Variants in LRCH3 observed in about 807,000 individuals in gnomAD.
LRCH3 encodes the protein leucine rich repeats and calponin homology domain containing 3, also known as DISP complex protein LRCH3.
LRCH3 carries 68 observed loss-of-function variants against 104.5 expected under a neutral mutation model. The ratio of observed to expected loss-of-function variants is 0.65; its 90% CI spans 0.54 to 0.80. LRCH3 has a LOEUF of 0.80. Among genes scored for constraint, LRCH3 ranks in the 30% least tolerant of loss-of-function variants. The probability of loss-of-function intolerance (pLI) is 0.00; values close to 1 mark genes in which losing one functional copy is unlikely to be tolerated. For synonymous variants in LRCH3, 344 were observed against 361.3 expected, an observed-to-expected ratio of 0.95 and a Z score of 0.54; for missense variants, 951 against 953.9, an observed-to-expected ratio of 1.00 and a Z score of 0.04.
In LRCH3 at chr3:197,849,319, A is replaced by G. The variant is rs561626256; in HGVS notation, c.1530+1298A>G. Among the ~76,000 whole-genome samples the G allele has an allele frequency of 1.5e-4, 22 of 151,542 alleles. No homozygotes were observed. In the East Asian group the frequency reaches 2.9e-3, roughly 20 times the overall value. ...TAGGCAAATCTTTTGACCAATAGCA[A>G]AAATACTAAAATTAATATTCCTACA... On this transcript the variant is annotated intron_variant, in intron 12 of 20. Transcript: ENST00000425562.
intron 9 of LRCH3, among the ~76,000 whole-genome samples, chr3:197,836,389 C>A (rs1338940687): frequency 6.6e-6 from 1 of 152,216 alleles, no homozygotes; most frequent in Non-Finnish European, 1.5e-5. Flanking sequence ...ATTCAGCCCA[C>A]TACAGAATCT....
chr3:197,855,216 C>T (rs1377744558), intron 14 of LRCH3, among the ~76,000 whole-genome samples: 1 of 152,208 alleles, frequency 6.6e-6, no homozygotes, highest in Non-Finnish European at 1.5e-5. Context: ...CCTGTTACAT[C>T]AGCTTCCGTG....
At chr3:197,817,843 CAG>C (rs1403367097) in intron 3 of LRCH3, among the ~76,000 whole-genome samples, 1 of 152,074 alleles carries the variant, frequency 6.6e-6, no homozygotes, top group Non-Finnish European at 1.5e-5. Context: ...TGTTTTGAGA[CAG>C]AGTGTTGCTC....
At chr3:197,857,065 C>A in intron 14 of LRCH3, among the ~76,000 whole-genome samples, 1 of 151,820 alleles carries the variant, frequency 6.6e-6, no homozygotes, top group East Asian at 1.9e-4. Context: ...TCTCTTCGGG[C>A]TACCCCTCAA....
chr3:197,826,606 G>A lies in LRCH3; in HGVS notation c.641-272G>A, dbSNP rs539248728. 2.6e-5 allele frequency among the ~76,000 whole-genome samples: 4 copies of A among 152,210 alleles called. No individual in the cohort carries two copies. In the South Asian group the frequency reaches 8.3e-4, roughly 32 times the overall value. On this transcript the variant is annotated intron_variant, in intron 4 of 20. Coordinates refer to ENST00000425562, the MANE Select transcript of LRCH3 (RefSeq NM_001365715.1). ...ATCCTTTTGTTATCCTCACCTTCTT[G>A]TGGTATCAGGGCCTCCAGCTTCTGA...
Position 197,817,261 on chromosome 3 carries a change from C to T in LRCH3, c.493C>T (p.Leu165Phe). 1 of 1,610,822 alleles carries T rather than the reference C, an allele frequency of 6.2e-7. No homozygotes were observed. Among genetic ancestry groups the T allele is most frequent in the Non-Finnish European group, 8.5e-7 (1 of 1,178,620 alleles). Reference sequence around the variant, plus strand: ...TGCTAGTAATAACAAATTGGTGTCACTTCCAGAAGAAATTGGACACCTTAG... The same window carrying T: ...TGCTAGTAATAACAAATTGGTGTCATTTCCAGAAGAAATTGGACACCTTAG... ...LIASNNKLVS[L>F]PEEIGHLRHL... The change falls in exon 3 of 21, where the codon CTT (leucine) becomes TTT (phenylalanine). Residue 165 changes from leucine to phenylalanine, a missense_variant. By Grantham distance (22) the Leu-to-Phe change is conservative. Transcript: ENST00000425562.
intron 20 of LRCH3, among the ~76,000 whole-genome samples, chr3:197,876,532 T>C (rs1262847508): frequency 2.0e-5 from 3 of 152,326 alleles, no homozygotes; most frequent in African/African-American, 7.2e-5. Flanking sequence ...GCAATTATAT[T>C]AAACCAACTA....
chr3:197,857,451 C>T lies in LRCH3; in HGVS notation c.1645-1383C>T, dbSNP rs149936184. 1.9e-3 allele frequency among the ~76,000 whole-genome samples: 279 copies of T among 147,046 alleles called. 2 individuals carry two copies. The highest frequency in any genetic ancestry group is 6.3e-3 in the African/African-American group (251 of 39,644). On this transcript the variant is annotated intron_variant, in intron 14 of 20. Transcript: ENST00000425562. ...TCAAGCTCCTGTTAATATCAGTTTA[C>T]ACTGACATTGTCTTCGTTCTGCCCC...
At chr3:197,840,636 G>A (rs1737664172) in intron 10 of LRCH3, among the ~76,000 whole-genome samples, 1 of 152,060 alleles carries the variant, frequency 6.6e-6, no homozygotes, top group Non-Finnish European at 1.5e-5. Flanking sequence ...TTAAGTGACG[G>A]TGAATTTACG....
At chr3:197,880,771 G>A in intron 20 of LRCH3, 1 of 1,533,066 alleles carries the variant, frequency 6.5e-7, no homozygotes. Flanking sequence ...AAGGAGGTTT[G>A]TTTCTCATCC....
Position 197,862,133 on chromosome 3 carries a change from T to C in LRCH3, c.1716+3228T>C, listed in dbSNP as rs570760284. ...GCCTCAGCCTCCCGAGTAGCTGCGA[T>C]TACAGGCGCATGCCACCACGCCCAG... On this transcript the variant is annotated intron_variant, in intron 15 of 20. Coordinates refer to ENST00000425562, the MANE Select transcript of LRCH3 (RefSeq NM_001365715.1). 2.6e-5 allele frequency among the ~76,000 whole-genome samples: 4 copies of C among 152,284 alleles called. No individual in the cohort carries two copies. The South Asian group carries it at 8.3e-4, about 32-fold the overall frequency.
Position 197,871,438 on chromosome 3 carries a change from C to A in LRCH3, c.2106C>A (p.Ser702Arg). Residue 702 changes from serine to arginine, a missense_variant, in exon 19 of 21, where the codon AGC becomes AGA. By Grantham distance (110) the Ser-to-Arg change is moderately radical. Coordinates refer to ENST00000425562, the MANE Select transcript of LRCH3 (RefSeq NM_001365715.1). ...ANHVRPRSVPSIHVPSPAVPK... is the reference protein window; with the variant it reads ...ANHVRPRSVPRIHVPSPAVPK... ...ATGTGCGACCTCGATCTGTCCCAAG[C>A]ATTCATGTTCCCTCACCAGCTGTAG... 1 of 1,613,930 alleles carries A rather than the reference C, an allele frequency of 6.2e-7. No individual in the cohort carries two copies. Among genetic ancestry groups the A allele is most frequent in the Middle Eastern group, 1.7e-4 (1 of 6,060 alleles).
At position 197,870,207 on chromosome 3, in the gene LRCH3, A is replaced by T; in HGVS notation, c.1921A>T (p.Thr641Ser). The T allele has an allele frequency of 6.2e-7, 1 of 1,612,910 alleles. No homozygotes were observed. ...PPSAAPTTDS[T>S]DSITGQNSRQ... is the part of the protein sequence containing the mutation. ...ATCTGCTGCACCTACCACTGATTCT[A>T]CAGATTCCATAACAGGACAGAATTC... Residue 641 changes from threonine (T) to serine (S), a missense_variant, in exon 18 of 21, where the codon ACA becomes TCA. Physicochemically the swap from Thr to Ser is moderately conservative, Grantham distance 58 (BLOSUM62 1). Coordinates refer to ENST00000425562, the MANE Select transcript of LRCH3 (RefSeq NM_001365715.1).
chr3:197,798,889 C>T (rs1386066010), intron 1 of LRCH3, among the ~76,000 whole-genome samples: 1 of 152,218 alleles, frequency 6.6e-6, no homozygotes, highest in African/African-American at 2.4e-5. Context: ...TTCAAGTGCT[C>T]AGTAGCCACA....
chr3:197,850,145 G>C (rs1739367846), intron 12 of LRCH3, among the ~76,000 whole-genome samples: 1 of 152,126 alleles, frequency 6.6e-6, no homozygotes, highest in Admixed American at 6.5e-5. Context: ...TGTGTGATTT[G>C]TAGATTTAAA....
chr3:197,880,782 A>G, intron 20 of LRCH3: 1 of 1,530,696 alleles, frequency 6.5e-7, no homozygotes, highest in Non-Finnish European at 8.7e-7. Flanking sequence ...TTTCTCATCC[A>G]GAATTATTTA....
intron 12 of LRCH3, among the ~76,000 whole-genome samples, chr3:197,851,296 G>A (rs1173926410): frequency 6.6e-6 from 1 of 152,082 alleles, no homozygotes; most frequent in Non-Finnish European, 1.5e-5. Flanking sequence ...AATTAGTGTT[G>A]GATCTTGATC....
chr3:197,883,672 C>G lies in LRCH3; in HGVS notation c.*6C>G, dbSNP rs572750268. ...ACCAGTTATCTGCTGTTTGAGGATCCCCAGGACGGTGGGCACTGGCCTGGC... is the reference window on the plus strand; with the variant it reads ...ACCAGTTATCTGCTGTTTGAGGATCGCCAGGACGGTGGGCACTGGCCTGGC... On this transcript the variant is annotated 3_prime_UTR_variant, in exon 21 of 21. Transcript: ENST00000425562. The surrounding 1 kb of genome is among the most constrained non-coding windows in gnomAD (Gnocchi z 4.2). 2.0e-6 allele frequency: 3 copies of G among 1,535,452 alleles called. No individual in the cohort carries two copies. The African/African-American group carries it at 4.1e-5, about 21-fold the overall frequency.
intron 10 of LRCH3, among the ~76,000 whole-genome samples, chr3:197,844,573 A>C (rs1738320037): frequency 1.3e-5 from 2 of 151,730 alleles, no homozygotes; most frequent in Admixed American, 1.3e-4. Context: ...CAGTGTTTGA[A>C]GAAGTATAGA....
Sources: allele counts gnomAD v4.1 joint callset (sites outside exome capture counted in the v4.1 genomes callset), GRCh38; gene constraint gnomAD v4.1.1; non-coding constraint Gnocchi (gnomAD v3.1); transcripts MANE v1.5; gene names NCBI Gene and HGNC (gene_info 2026-07-23, HGNC 2026-07-21).